PCDHGA2: variants seen among roughly 807,000 people sequenced by gnomAD.
PCDHGA2 encodes the protein protocadherin gamma-A2.
Under a neutral mutation model 59.2 loss-of-function variants are expected in PCDHGA2, and 40 were observed. The ratio of observed to expected loss-of-function variants is 0.68; its 90% CI spans 0.52 to 0.88. The LOEUF is 0.88. PCDHGA2 is among the 40% of genes least tolerant of loss of function. PCDHGA2 has a pLI of 0.00. For synonymous variants in PCDHGA2, 560 were observed against 526.0 expected (o/e 1.06, Z -0.89); for missense variants, 1,226 against 1,204.0 (o/e 1.02, Z -0.27).
intron 1 of PCDHGA2, chr5:141,352,212 C>G: frequency 1.9e-6 from 3 of 1,614,058 alleles, no homozygotes; most frequent in Non-Finnish European, 2.5e-6. Context: ...CCGCCACTCT[C>G]CGCCACCGCC....
At position 141,431,106 on chromosome 5, in the gene PCDHGA2, T is replaced by C. The variant is rs566174531; in HGVS notation, c.2425-63701T>C. 25 of 1,614,108 alleles carry C rather than the reference T, an allele frequency of 1.5e-5. No homozygotes were observed. In the South Asian group the frequency reaches 2.7e-4, roughly 18 times the overall value. On this transcript the variant is annotated intron_variant, in intron 1 of 3. Transcript: ENST00000394576. This position sits in a 1 kb window ranked among gnomAD's most constrained non-coding sequence, Gnocchi z 4.8. ...ATTCTGATGGAGGATAAAGTGAAAA[T>C]ATATGGAGTAGAAGTAGAAGTAAGG...
intron 1 of PCDHGA2, among the ~76,000 whole-genome samples, chr5:141,470,459 AT>A: frequency 6.6e-6 from 1 of 152,096 alleles, no homozygotes; most frequent in East Asian, 1.9e-4. Flanking sequence ...CTTGAATAGG[AT>A]TTTCTGATAT....
intron 1 of PCDHGA2, among the ~76,000 whole-genome samples, chr5:141,436,522 C>T (rs933890051): frequency 3.9e-5 from 6 of 152,088 alleles, no homozygotes; most frequent in African/African-American, 1.4e-4. Context: ...ACTGTGTCAC[C>T]TTTAGCAAGT....
Position 141,338,896 on chromosome 5 carries a change from A to G in PCDHGA2, c.-76A>G. On this transcript the variant is annotated 5_prime_UTR_variant, in exon 1 of 4. Transcript: ENST00000394576. ...GGGTCCCGTGAATGCTGGTTATCTC[A>G]CACCCTGAGGAATAAAGATTGGAAT... is the stretch of plus-strand genomic sequence containing the variant. The G allele has an allele frequency of 6.8e-7, 1 of 1,478,196 alleles. No individual in the cohort carries two copies. The allele number at this position is 1,478,196 out of a possible 1,614,324, so 91.6% of individuals were successfully genotyped here. A position where few individuals can be genotyped will look rare whatever the true frequency, so the allele number is the denominator to read the frequency against.
intron 1 of PCDHGA2, chr5:141,393,362 G>C (rs1377325166): frequency 5.0e-6 from 8 of 1,613,978 alleles, no homozygotes; most frequent in Non-Finnish European, 6.8e-6. Context: ...TGGACGTGCA[G>C]ACTGGAGACA....
chr5:141,358,588 T>C (rs73265833), intron 1 of PCDHGA2, among the ~76,000 whole-genome samples: 1 of 152,378 alleles, frequency 6.6e-6, no homozygotes, highest in African/African-American at 2.4e-5. Context: ...ATTCCTCTGG[T>C]GCACTCCTGT....
chr5:141,419,322 C>T lies in PCDHGA2; in HGVS notation c.2425-75485C>T, dbSNP rs370480327. The stretch of plus-strand genomic sequence containing the variant: ...GACTTCGGGCTCAACGGCCGTGTCT[C>T]CTACTCTCTCATTGCCAGCGACCTG... On this transcript the variant is annotated intron_variant, in intron 1 of 3. Transcript: ENST00000394576. 164 of 1,613,852 alleles carry T rather than the reference C, an allele frequency of 1.0e-4. No individual in the cohort carries two copies. Among genetic ancestry groups the T allele is most frequent in the Non-Finnish European group, 1.3e-4 (153 of 1,179,898 alleles).
chr5:141,352,097 T>C (rs761063437), intron 1 of PCDHGA2: 1 of 1,605,856 alleles, frequency 6.2e-7, no homozygotes, highest in Non-Finnish European at 8.5e-7. Context: ...GCCCGGGCTC[T>C]TCAGCCTGGG....
At chr5:141,415,791 C>G (rs2095959265) in intron 1 of PCDHGA2, 4 of 1,341,886 alleles carry the variant, frequency 3.0e-6, no homozygotes, top group Admixed American at 8.1e-5. Context: ...GTAAAATTCA[C>G]CTAGTCTCAA....
chr5:141,431,932 C>T lies in PCDHGA2; in HGVS notation c.2425-62875C>T. 2 of 1,614,172 alleles carry T rather than the reference C, an allele frequency of 1.2e-6. No individual in the cohort carries two copies. The highest frequency in any genetic ancestry group is 1.7e-6 in the Non-Finnish European group (2 of 1,180,002). On this transcript the variant is annotated intron_variant, in intron 1 of 3. Coordinates refer to ENST00000394576, the MANE Select transcript of PCDHGA2 (RefSeq NM_018915.4). This position sits in a 1 kb window ranked among gnomAD's most constrained non-coding sequence, Gnocchi z 4.8. The stretch of plus-strand genomic sequence containing the variant: ...TCTGTTTCATCCAAGGAAATCTGCC[C>T]TTTAAATTAGAAAAATCTTACGGAA...
chr5:141,439,428 C>T (rs1191911600), intron 1 of PCDHGA2, among the ~76,000 whole-genome samples: 1 of 152,170 alleles, frequency 6.6e-6, no homozygotes, highest in Non-Finnish European at 1.5e-5. Flanking sequence ...TATAAATTCC[C>T]AGGAATATTT....
chr5:141,356,972 T>G, intron 1 of PCDHGA2: 1 of 1,614,222 alleles, frequency 6.2e-7, no homozygotes, highest in Non-Finnish European at 8.5e-7. Flanking sequence ...GTGACCAAAG[T>G]GGTGGCAGTG....
At chr5:141,344,363 T>C in intron 1 of PCDHGA2, 1 of 1,613,660 alleles carries the variant, frequency 6.2e-7, no homozygotes, top group East Asian at 2.2e-5. Context: ...ACATTCTGGT[T>C]GAGGATAAAT....
rs764070772 is a variant in PCDHGA2, at chr5:141,476,415, C to T, written c.2425-18392C>T. ...CTGGATCGAGAGGAGCTGTGTGGGACACTGCCCTCTTGCACTGTAACTCTG... is the reference window on the plus strand; with the variant it reads ...CTGGATCGAGAGGAGCTGTGTGGGATACTGCCCTCTTGCACTGTAACTCTG... On this transcript the variant is annotated intron_variant, in intron 1 of 3. Transcript: ENST00000394576. This position sits in a 1 kb window ranked among gnomAD's most constrained non-coding sequence, Gnocchi z 7.6. 2.5e-6 allele frequency: 4 copies of T among 1,614,098 alleles called. No homozygotes were observed. The South Asian group carries it at 4.4e-5, about 18-fold the overall frequency.
chr5:141,502,866 C>CTT (rs549047197), intron 2 of PCDHGA2, among the ~76,000 whole-genome samples: 3 of 128,046 alleles, frequency 2.3e-5, no homozygotes, highest in Non-Finnish European at 3.2e-5. Flanking sequence ...GACTCTCTGT[C>CTT]TTTTTTTTTT....
chr5:141,385,076 A>G, intron 1 of PCDHGA2: 1 of 1,614,206 alleles, frequency 6.2e-7, no homozygotes, highest in Non-Finnish European at 8.5e-7. Context: ...CGCCTGCTGC[A>G]GGCTTCAGAA....
Position 141,483,626 on chromosome 5 carries a change from G to A in PCDHGA2, c.2425-11181G>A, listed in dbSNP as rs112905417. On this transcript the variant is annotated intron_variant, in intron 1 of 3. Coordinates refer to ENST00000394576, the MANE Select transcript of PCDHGA2 (RefSeq NM_018915.4). ...TTACACCTCCATCATTCCCATGGGA[G>A]AAGGTATAGAGGGGTGTGTGTTTGT... Among the ~76,000 whole-genome samples the A allele has an allele frequency of 6.0e-4, 90 of 150,886 alleles. 1 individual carries two copies. The highest frequency in any genetic ancestry group is 1.7e-3 in the African/African-American group (69 of 40,378).
chr5:141,413,725 C>A, intron 1 of PCDHGA2: 1 of 1,613,546 alleles, frequency 6.2e-7, no homozygotes, highest in Non-Finnish European at 8.5e-7. Flanking sequence ...GCACTTCTCC[C>A]TAAGAGTTCA....
intron 1 of PCDHGA2, among the ~76,000 whole-genome samples, chr5:141,425,922 A>G (rs1485934946): frequency 6.6e-6 from 1 of 152,240 alleles, no homozygotes; most frequent in Non-Finnish European, 1.5e-5. Context: ...TCACTACGAA[A>G]ACTCATAAAA....
Sources: allele counts gnomAD v4.1 joint callset (sites outside exome capture counted in the v4.1 genomes callset), GRCh38; gene constraint gnomAD v4.1.1; non-coding constraint Gnocchi (gnomAD v3.1); transcripts MANE v1.5; gene names NCBI Gene and HGNC (gene_info 2026-07-23, HGNC 2026-07-21).